RGPD4: variants seen among roughly 807,000 people sequenced by gnomAD.
The protein encoded by RGPD4 is RANBP2 like and GRIP domain containing 4.
In RGPD4, 84 loss-of-function variants were observed where a neutral mutation model predicts 141.1. The ratio of observed to expected loss-of-function variants is 0.60; its 90% CI spans 0.50 to 0.71. The LOEUF (loss-of-function observed/expected upper bound fraction) is 0.71. Among genes scored for constraint, RGPD4 ranks in the 30% least tolerant of loss-of-function variants. The pLI is 0.00. For missense variants in RGPD4, 918 were observed against 1,622.4 expected, an observed-to-expected ratio of 0.57 and a Z score of 7.46; for synonymous variants, 298 against 566.8, an observed-to-expected ratio of 0.53 and a Z score of 6.74.
chr2:107,872,048 C>A lies in RGPD4; in HGVS notation c.4044C>A (p.Ser1348=). The change falls in exon 20 of 23, where the codon TCC becomes TCA. Residue 1348 remains serine, a synonymous_variant. Coordinates refer to ENST00000408999, the MANE Select transcript of RGPD4 (RefSeq NM_182588.3). ...CTTTACCTGATCTAGTTGAAGTATC[C>A]AGTGGTGAGGAAAATGAAAAAGTTG... The part of the protein sequence containing the change: ...VVPLPDLVEV[S]SGEENEKVVF... 6.2e-7 allele frequency: 1 copy of A among 1,611,296 alleles called. No individual in the cohort carries two copies. The highest frequency in any genetic ancestry group is 8.5e-7 in the Non-Finnish European group (1 of 1,179,796).
intron 20 of RGPD4, among the ~76,000 whole-genome samples, chr2:107,874,826 T>G (rs1020127698): frequency 1.1e-4 from 16 of 151,534 alleles, no homozygotes; most frequent in Non-Finnish European, 2.1e-4. Context: ...TACTGAGTAA[T>G]AGCAGAAGTG....
At position 107,833,969 on chromosome 2, in the gene RGPD4, C is replaced by T. The variant is rs760870285; in HGVS notation, c.73-2633C>T. 3.7e-4 allele frequency among the ~76,000 whole-genome samples: 56 copies of T among 151,426 alleles called. 1 individual carries two copies. Among genetic ancestry groups the T allele is most frequent in the Middle Eastern group, 6.8e-3 (2 of 294 alleles). On this transcript the variant is annotated intron_variant, in intron 1 of 22. Transcript: ENST00000408999. ...TTGCAGTGAGCTGAGATCGAGCCAC[C>T]GCACTCCAGCCTGGTGACAGAGCAA...
Position 107,871,772 on chromosome 2 carries a change from A to C in RGPD4, c.3768A>C (p.Glu1256Asp), listed in dbSNP as rs1484410884. 1.2e-6 allele frequency: 2 copies of C among 1,611,376 alleles called. 1 individual carries two copies. Among genetic ancestry groups the C allele is most frequent in the African/African-American group, 2.7e-5 (2 of 74,382 alleles). The change falls in exon 20 of 23, where the codon GAA becomes GAC. Residue 1256 changes from glutamate (E) to aspartate (D), a missense_variant. Physicochemically the swap from Glu to Asp is conservative, Grantham distance 45. Coordinates refer to ENST00000408999, the MANE Select transcript of RGPD4 (RefSeq NM_182588.3). ...AATGGGATAACTGTGATTTAAGGGA[A>C]GATGCTTTGGATGATAGTGTCAGTA... The part of the protein sequence containing the change: ...TLEWDNCDLR[E>D]DALDDSVSSS...
chr2:107,871,231 A>C lies in RGPD4; in HGVS notation c.3227A>C (p.Gln1076Pro), dbSNP rs1330242715. Residue 1076 changes from glutamine to proline, a missense_variant, in exon 20 of 23, where the codon CAG (glutamine) becomes CCG (proline). Gln to Pro is a moderately conservative substitution (Grantham distance 76). Transcript: ENST00000408999. ...KLFRFDAEVR[Q>P]WKERGLGNLK... ...TTTAGATTTGATGCTGAGGTAAGGC[A>C]GTGGAAAGAAAGGGGCTTGGGGAAC... is the stretch of plus-strand genomic sequence containing the variant. 1.2e-6 allele frequency: 2 copies of C among 1,609,370 alleles called. No homozygotes were observed. The highest frequency in any genetic ancestry group is 1.7e-6 in the Non-Finnish European group (2 of 1,179,660).
intron 1 of RGPD4, among the ~76,000 whole-genome samples, chr2:107,830,957 G>A (rs1681463040): frequency 6.6e-6 from 1 of 152,078 alleles, no homozygotes; most frequent in Non-Finnish European, 1.5e-5. Context: ...TCTGTAATCT[G>A]AGCACTTTGG....
At chr2:107,827,637 C>T (rs1306789146) in intron 1 of RGPD4, among the ~76,000 whole-genome samples, 2 of 52,142 alleles carry the variant, frequency 3.8e-5, no homozygotes, top group East Asian at 3.3e-4. Flanking sequence ...TCATGGCTCC[C>T]GACGGGCGCT....
intron 7 of RGPD4, among the ~76,000 whole-genome samples, chr2:107,854,180 G>T (rs1027091890): frequency 1.5e-4 from 19 of 126,204 alleles, no homozygotes; most frequent in Admixed American, 1.4e-3. Flanking sequence ...TCAGCCTCCT[G>T]TGTAGCTGGA....
At chr2:107,883,524 G>A (rs558088671) in intron 22 of RGPD4, among the ~76,000 whole-genome samples, 1 of 149,852 alleles carries the variant, frequency 6.7e-6, no homozygotes, top group Admixed American at 6.7e-5. Flanking sequence ...CAGCTACTCA[G>A]GAGGCTGAGG....
intron 1 of RGPD4, among the ~76,000 whole-genome samples, chr2:107,830,946 G>A (rs527853632): frequency 9.2e-5 from 14 of 152,100 alleles, no homozygotes; most frequent in East Asian, 5.8e-4. Context: ...AATATTCTTC[G>A]TCTGTAATCT....
At chr2:107,836,934 T>G (rs1445750275) in intron 2 of RGPD4, among the ~76,000 whole-genome samples, 3 of 72,364 alleles carry the variant, frequency 4.1e-5, no homozygotes, top group African/African-American at 1.9e-4. Flanking sequence ...AATTGTCTTC[T>G]GTTGAAGTAA....
rs184859009 is a variant in RGPD4, at chr2:107,877,896, C to T, written c.4925-2072C>T. Among the ~76,000 whole-genome samples, 414 of 151,834 alleles carry T rather than the reference C, an allele frequency of 2.7e-3. 4 individuals are homozygous for T. Among genetic ancestry groups the T allele is most frequent in the African/African-American group, 9.2e-3 (377 of 41,130 alleles). The stretch of plus-strand genomic sequence containing the variant: ...TGGCGTGATCTTGGCTCACTACAAC[C>T]TCCGCCTCCTGGCTTCCAGCAATTC... On this transcript the variant is annotated intron_variant, in intron 20 of 22. Coordinates refer to ENST00000408999, the MANE Select transcript of RGPD4 (RefSeq NM_182588.3).
intron 22 of RGPD4, among the ~76,000 whole-genome samples, chr2:107,890,438 G>T (rs1349958546): frequency 1.4e-5 from 2 of 140,422 alleles, no homozygotes; most frequent in African/African-American, 2.7e-5. Context: ...GGTCCCAGTT[G>T]CTTGGGAGGC....
Position 107,836,474 on chromosome 2 carries a change from A to G in RGPD4, c.73-128A>G, listed in dbSNP as rs1367376816. ...GGAATTATGCATTTGTCAGGCTTTA[A>G]AAAAAATTTTTAAGTGAATGAAAAT... On this transcript the variant is annotated intron_variant, in intron 1 of 22. Transcript: ENST00000408999. The G allele has an allele frequency of 4.9e-6, 5 of 1,010,958 alleles. No individual in the cohort carries two copies. The African/African-American group carries it at 6.6e-5, about 13-fold the overall frequency. The allele number at this position is 1,010,958 out of a possible 1,614,324, so 62.6% of individuals were successfully genotyped here. A position where few individuals can be genotyped will look rare whatever the true frequency, so the allele number is the denominator to read the frequency against.
At chr2:107,829,920 T>C (rs1257744039) in intron 1 of RGPD4, among the ~76,000 whole-genome samples, 1 of 151,898 alleles carries the variant, frequency 6.6e-6, no homozygotes, top group East Asian at 2.0e-4. Flanking sequence ...AGGTCGTACC[T>C]CCTTGGCCTG....
chr2:107,829,614 T>C (rs1034968971), intron 1 of RGPD4, among the ~76,000 whole-genome samples: 2 of 152,078 alleles, frequency 1.3e-5, no homozygotes, highest in African/African-American at 2.4e-5. Flanking sequence ...AGGCGGGCTC[T>C]GTTGAGGCGC....
At chr2:107,883,822 C>T in intron 22 of RGPD4, among the ~76,000 whole-genome samples, 1 of 152,118 alleles carries the variant, frequency 6.6e-6, no homozygotes, top group Middle Eastern at 3.4e-3. Flanking sequence ...TTATTTTTGA[C>T]ATTTACAAGC....
chr2:107,871,247 C>CT lies in RGPD4; in HGVS notation c.3245dup (p.Leu1082PhefsTer30). 6.2e-7 allele frequency: 1 copy of CT among 1,608,656 alleles called. No individual in the cohort carries two copies. The highest frequency in any genetic ancestry group is 8.5e-7 in the Non-Finnish European group (1 of 1,179,468). ...AGGTAAGGCAGTGGAAAGAAAGGGG[C>CT]TTGGGGAACTTAAAAATTCTCAAAA... On this transcript the variant is annotated frameshift_variant, in exon 20 of 23. Transcript: ENST00000408999. LOFTEE classifies it high-confidence loss of function.
At chr2:107,829,732 C>T (rs2919949) in intron 1 of RGPD4, among the ~76,000 whole-genome samples, 1 of 152,136 alleles carries the variant, frequency 6.6e-6, no homozygotes, top group South Asian at 2.1e-4. Flanking sequence ...CTTCCTCTTT[C>T]TCCCGGCTTG....
intron 21 of RGPD4, 23 bp downstream of exon 21, chr2:107,880,130 C>T: frequency 6.2e-7 from 1 of 1,611,470 alleles, no homozygotes; most frequent in East Asian, 2.2e-5. Flanking sequence ...AACCTGGCCA[C>T]CATGAAAACT....
Sources: allele counts gnomAD v4.1 joint callset (sites outside exome capture counted in the v4.1 genomes callset), GRCh38; gene constraint gnomAD v4.1.1; transcripts MANE v1.5; gene names NCBI Gene and HGNC (gene_info 2026-07-23, HGNC 2026-07-21).